The following DLG2 variants were observed in gnomAD, a reference collection of about 807,000 sequenced individuals.
The protein encoded by DLG2 is disks large homolog 2.
Under a neutral mutation model 132.5 loss-of-function variants are expected in DLG2, and 45 were observed. The ratio of observed to expected loss-of-function variants is 0.34; its 90% CI spans 0.27 to 0.44. The LOEUF (loss-of-function observed/expected upper bound fraction) is 0.44. DLG2 is among the 20% of genes least tolerant of loss of function. The pLI, the probability that DLG2 is intolerant of heterozygous loss-of-function variation, is 1.00. For missense variants in DLG2, 1,045 were observed against 1,196.9 expected (o/e 0.87, Z 1.87); for synonymous variants, 424 against 419.6 (o/e 1.01, Z -0.13).
intron 7 of DLG2, among the ~76,000 whole-genome samples, chr11:84,495,482 C>A (rs1478561900): frequency 1.3e-5 from 2 of 152,118 alleles, no homozygotes; most frequent in East Asian, 3.8e-4. Context: ...TGTATGTCTC[C>A]TCTTCATAAG....
At chr11:83,788,182 A>T in intron 17 of DLG2, among the ~76,000 whole-genome samples, 1 of 152,190 alleles carries the variant, frequency 6.6e-6, no homozygotes, top group South Asian at 2.1e-4. Context: ...TGAGAATGAC[A>T]TTGGGTGGCA....
rs1291710957 is a variant in DLG2, at chr11:83,668,726, CACAT to C, written c.1826-35405_1826-35402del. On this transcript the variant is annotated intron_variant, in intron 18 of 27. Coordinates refer to ENST00000376104, the MANE Select transcript of DLG2 (RefSeq NM_001142699.3). Reference sequence around the variant, plus strand: ...AAACACATATATATGTGTATATAAACACATATATATGTGTATATAAACACACATA... The same window carrying C: ...AAACACATATATATGTGTATATAAACATATATGTGTATATAAACACACATA... Among the ~76,000 whole-genome samples, 382 of 132,148 alleles carry C rather than the reference CACAT, an allele frequency of 2.9e-3. 11 individuals carry two copies. The highest frequency in any genetic ancestry group is 0.01 in the African/African-American group (339 of 32,470). 86.7% of individuals were successfully genotyped at this position (132,148 alleles called of 152,430 possible).
At chr11:83,967,830 T>G (rs111318274) in intron 12 of DLG2, among the ~76,000 whole-genome samples, 22 of 152,274 alleles carry the variant, frequency 1.4e-4, no homozygotes, top group African/African-American at 5.1e-4. Context: ...CTATGTTCTT[T>G]TCTAGAAATT....
At chr11:85,469,718 G>C (rs572373867) in intron 3 of DLG2, 1 of 152,308 alleles carries the variant, frequency 6.6e-6, no homozygotes, top group East Asian at 1.9e-4. Context: ...CGCCATTTCA[G>C]CATCCTGTCA....
intron 6 of DLG2, among the ~76,000 whole-genome samples, chr11:84,782,178 C>G (rs1254252758): frequency 6.6e-6 from 1 of 152,002 alleles, no homozygotes; most frequent in Non-Finnish European, 1.5e-5. Context: ...GACATGTAAA[C>G]TTCCCCACAC....
intron 6 of DLG2, among the ~76,000 whole-genome samples, chr11:85,067,935 T>A (rs568667840): frequency 6.6e-6 from 1 of 152,024 alleles, no homozygotes; most frequent in South Asian, 2.1e-4. Flanking sequence ...TAGCAGCACA[T>A]CAAAAAGCTT....
intron 15 of DLG2, among the ~76,000 whole-genome samples, chr11:83,911,112 A>G (rs532084024): frequency 6.6e-6 from 1 of 152,250 alleles, no homozygotes; most frequent in African/African-American, 2.4e-5. Flanking sequence ...TGTAAATAAT[A>G]AATACTTGAG....
chr11:83,617,195 T>C (rs1157255855), intron 19 of DLG2, among the ~76,000 whole-genome samples: 1 of 152,224 alleles, frequency 6.6e-6, no homozygotes, highest in Non-Finnish European at 1.5e-5. Context: ...ATAAAAAATA[T>C]CTTCTGAGAT....
At chr11:84,095,845 C>T (rs940065254) in intron 10 of DLG2, among the ~76,000 whole-genome samples, 1 of 152,092 alleles carries the variant, frequency 6.6e-6, no homozygotes, top group African/African-American at 2.4e-5. Flanking sequence ...AAGCACTGTA[C>T]AAAGTTTTGC....
At chr11:83,559,433 T>C (rs2096573549) in intron 19 of DLG2, among the ~76,000 whole-genome samples, 1 of 152,160 alleles carries the variant, frequency 6.6e-6, no homozygotes, top group Non-Finnish European at 1.5e-5. Context: ...TGAGATTCAA[T>C]GAAGGTACTT....
intron 11 of DLG2, among the ~76,000 whole-genome samples, chr11:84,038,812 G>C (rs1175645272): frequency 6.6e-6 from 1 of 152,060 alleles, no homozygotes; most frequent in African/African-American, 2.4e-5. Context: ...AATCATGGCA[G>C]AAGAGGAAGC....
intron 18 of DLG2, among the ~76,000 whole-genome samples, chr11:83,691,508 A>T (rs1451085424): frequency 6.6e-6 from 1 of 152,128 alleles, no homozygotes; most frequent in Non-Finnish European, 1.5e-5. Context: ...GGCTGAGCTG[A>T]AAGTGATGAA....
chr11:85,518,357 C>T (rs899803491), intron 3 of DLG2, among the ~76,000 whole-genome samples: 1 of 152,188 alleles, frequency 6.6e-6, no homozygotes, highest in African/African-American at 2.4e-5. Flanking sequence ...AGATGAGGAA[C>T]TTGTTGGGAA....
chr11:83,632,605 G>A (rs1327926373), intron 19 of DLG2: 1 of 152,248 alleles, frequency 6.6e-6, no homozygotes, highest in Non-Finnish European at 1.5e-5. Flanking sequence ...AGACTGGAAG[G>A]CATTTCACAT....
At chr11:84,784,358 A>T (rs144544108) in intron 6 of DLG2, among the ~76,000 whole-genome samples, 26,810 of 132,118 alleles carry the variant, frequency 0.2, 2,670 homozygotes, top group Middle Eastern at 0.25. Context: ...ATAAATAAAT[A>T]AATAAATAAA....
At chr11:85,081,648 A>G (rs888083356) in intron 6 of DLG2, among the ~76,000 whole-genome samples, 1 of 152,174 alleles carries the variant, frequency 6.6e-6, no homozygotes, top group Non-Finnish European at 1.5e-5. Context: ...GTCTTGCAGT[A>G]GACTGCCCAA....
chr11:83,541,699 G>A lies in DLG2; in HGVS notation c.2100C>T (p.Val700=), dbSNP rs760906573. ...MLEGDSEEMG[V]IPSKRRVERK... ...ATTCTTACCTCCTTTTGCTGGGGAT[G>A]ACCCCCATCTCCTCACTGTCTCCCT... The change falls in exon 20 of 28, where the codon GTC becomes GTT. Residue 700 remains valine, a synonymous_variant. Transcript: ENST00000376104. The A allele has an allele frequency of 6.2e-7, 1 of 1,606,588 alleles. No individual in the cohort carries two copies. Among genetic ancestry groups the A allele is most frequent in the South Asian group, 1.1e-5 (1 of 89,990 alleles).
At chr11:85,177,385 T>G (rs1004751162) in intron 4 of DLG2, among the ~76,000 whole-genome samples, 2 of 146,568 alleles carry the variant, frequency 1.4e-5, no homozygotes, top group Admixed American at 1.4e-4. Flanking sequence ...ATGGGTAGAG[T>G]TGGAATCTGT....
intron 16 of DLG2, among the ~76,000 whole-genome samples, chr11:83,841,337 G>A (rs1004761660): frequency 2.0e-4 from 31 of 152,100 alleles, no homozygotes; most frequent in African/African-American, 7.5e-4. Context: ...ATTGCTGAAG[G>A]CTCTGTTACT....
Sources: allele counts gnomAD v4.1 joint callset (sites outside exome capture counted in the v4.1 genomes callset), GRCh38; gene constraint gnomAD v4.1.1; transcripts MANE v1.5; gene names NCBI Gene and HGNC (gene_info 2026-07-23, HGNC 2026-07-21).